Variants in PPP2R5A observed in about 807,000 individuals in gnomAD.
PPP2R5A encodes the protein serine/threonine-protein phosphatase 2A 56 kDa regulatory subunit alpha isoform.
A neutral mutation model predicts 64.2 loss-of-function variants in PPP2R5A; 25 were observed. The ratio of observed to expected loss-of-function variants is 0.39; its 90% CI spans 0.28 to 0.54. The LOEUF (loss-of-function observed/expected upper bound fraction) is 0.54, where lower values mean the gene tolerates loss of function less well. PPP2R5A is among the 20% of genes least tolerant of loss of function. The pLI is 0.67. For synonymous variants in PPP2R5A, 198 were observed against 201.2 expected, an observed-to-expected ratio of 0.98 and a Z score of 0.13; for missense variants, 425 against 576.3, an observed-to-expected ratio of 0.74 and a Z score of 2.69.
At chr1:212,353,271 C>T (rs747722411) in intron 8 of PPP2R5A, among the ~76,000 whole-genome samples, 42 of 152,352 alleles carry the variant, frequency 2.8e-4, no homozygotes, top group Admixed American at 1.1e-3. Flanking sequence ...AAAGCCAAGA[C>T]AGCGAGTCTA....
chr1:212,303,311 G>A lies in PPP2R5A; in HGVS notation c.181+17020G>A, dbSNP rs114497995. On this transcript the variant is annotated intron_variant, in intron 1 of 12. Coordinates refer to ENST00000261461, the MANE Select transcript of PPP2R5A (RefSeq NM_006243.4). Reference sequence around the variant, plus strand: ...TGGATGTGAACTAGTATCTCTTCGTGGTTATGATTTGCATTTCCCTAATTA... The same window carrying A: ...TGGATGTGAACTAGTATCTCTTCGTAGTTATGATTTGCATTTCCCTAATTA... Among the ~76,000 whole-genome samples, 944 of 152,212 alleles carry A rather than the reference G, an allele frequency of 6.2e-3. 5 individuals are homozygous for A. Among genetic ancestry groups the A allele is most frequent in the African/African-American group, 0.022 (903 of 41,516 alleles).
At chr1:212,315,082 T>C (rs1448397794) in intron 1 of PPP2R5A, among the ~76,000 whole-genome samples, 1 of 152,226 alleles carries the variant, frequency 6.6e-6, no homozygotes, top group Non-Finnish European at 1.5e-5. Context: ...CAGGCATCAT[T>C]ATGCTTATGT....
At chr1:212,322,062 C>A (rs1571592429) in intron 1 of PPP2R5A, among the ~76,000 whole-genome samples, 2 of 151,506 alleles carry the variant, frequency 1.3e-5, no homozygotes, top group East Asian at 3.9e-4. Context: ...GCGGCGCGCG[C>A]CTGCAATCGC....
intron 8 of PPP2R5A, among the ~76,000 whole-genome samples, chr1:212,351,884 A>G (rs1659886633): frequency 6.6e-6 from 1 of 152,080 alleles, no homozygotes; most frequent in Non-Finnish European, 1.5e-5. Context: ...CTGCATTTTT[A>G]TAAAACAAGC....
chr1:212,295,228 G>A (rs571891994), intron 1 of PPP2R5A, among the ~76,000 whole-genome samples: 9 of 152,276 alleles, frequency 5.9e-5, no homozygotes, highest in East Asian at 3.9e-4. Context: ...AGAGATAAAG[G>A]TGCTTGTCCA....
intron 11 of PPP2R5A, 88 bp from the exon 12 acceptor site, chr1:212,358,598 A>T: frequency 1.1e-6 from 1 of 945,350 alleles, no homozygotes; most frequent in Non-Finnish European, 1.6e-6. Context: ...GAAATCAGCC[A>T]AGCTTTAACC....
chr1:212,303,587 T>C (rs1658839100), intron 1 of PPP2R5A, among the ~76,000 whole-genome samples: 1 of 152,198 alleles, frequency 6.6e-6, no homozygotes, highest in African/African-American at 2.4e-5. Flanking sequence ...CTTGTGCTTT[T>C]GGAGTCATTT....
chr1:212,307,567 A>G (rs1040920706), intron 1 of PPP2R5A, among the ~76,000 whole-genome samples: 4 of 152,314 alleles, frequency 2.6e-5, no homozygotes, highest in Admixed American at 6.5e-5. Context: ...CTATGTATCA[A>G]CCGTCCAATG....
chr1:212,329,909 G>C lies in PPP2R5A; in HGVS notation c.378+578G>C, dbSNP rs369161227. Among the ~76,000 whole-genome samples, 6 of 152,294 alleles carry C rather than the reference G, an allele frequency of 3.9e-5. No homozygotes were observed. The South Asian group carries it at 1.0e-3, about 26-fold the overall frequency. On this transcript the variant is annotated intron_variant, in intron 2 of 12. Transcript: ENST00000261461. ...TCGACCTGCCGCGGCCTCTGAAAAT[G>C]CTGGGATTATAGGCGTGAGCCACCG...
At chr1:212,302,060 AAGG>A (rs1475117221) in intron 1 of PPP2R5A, 1 of 1,528,530 alleles carries the variant, frequency 6.5e-7, no homozygotes, top group East Asian at 2.5e-5. Context: ...TTTAATGAAG[AAGG>A]GCAAGAAGAG....
chr1:212,326,264 C>G (rs1216255035), intron 1 of PPP2R5A, among the ~76,000 whole-genome samples: 6 of 146,878 alleles, frequency 4.1e-5, no homozygotes, highest in Non-Finnish European at 1.5e-5. Context: ...TTTAAGGATA[C>G]ATAAAAATAT....
chr1:212,322,769 T>TTATTTATG (rs1229049244), intron 1 of PPP2R5A, among the ~76,000 whole-genome samples: 1 of 150,270 alleles, frequency 6.7e-6, no homozygotes, highest in Non-Finnish European at 1.5e-5. Context: ...ATTTATTTAT[T>TTATTTATG]TATTTATTTA....
At chr1:212,322,308 T>G (rs1659321688) in intron 1 of PPP2R5A, among the ~76,000 whole-genome samples, 1 of 143,924 alleles carries the variant, frequency 6.9e-6, no homozygotes, top group Non-Finnish European at 1.5e-5. Context: ...TCTTACAGAT[T>G]GTTACTCATG....
intron 1 of PPP2R5A, among the ~76,000 whole-genome samples, chr1:212,300,488 T>G (rs1658780326): frequency 6.6e-6 from 1 of 152,212 alleles, no homozygotes; most frequent in African/African-American, 2.4e-5. Context: ...GACTCACTGT[T>G]AAAACAACTC....
chr1:212,356,495 A>G (rs532977905), intron 8 of PPP2R5A, 131 bp from the exon 9 acceptor site: 81 of 810,164 alleles, frequency 1.0e-4, no homozygotes, highest in Middle Eastern at 3.8e-4. Context: ...CAGAAAGTCT[A>G]TTTATACACA....
Position 212,360,946 on chromosome 1 carries a change from T to G in PPP2R5A, c.*176T>G. On this transcript the variant is annotated 3_prime_UTR_variant, in exon 13 of 13. Transcript: ENST00000261461. ...GTAGCCCTGTGCTGTATCATGGCCA[T>G]AGTATATTGTAACCTTTGTCTAATC... 7.2e-6 allele frequency: 3 copies of G among 416,306 alleles called. No individual in the cohort carries two copies. The highest frequency in any genetic ancestry group is 1.2e-5 in the Non-Finnish European group (3 of 240,692). 25.8% of individuals were successfully genotyped at this position (416,306 alleles called of 1,614,324 possible).
chr1:212,320,788 T>C lies in PPP2R5A; in HGVS notation c.182-8347T>C, dbSNP rs555061154. Among the ~76,000 whole-genome samples, 10 of 106,098 alleles carry C rather than the reference T, an allele frequency of 9.4e-5. No individual in the cohort carries two copies. The South Asian group carries it at 2.6e-3, about 27-fold the overall frequency. 69.6% of individuals were successfully genotyped at this position (106,098 alleles called of 152,430 possible). On this transcript the variant is annotated intron_variant, in intron 1 of 12. Coordinates refer to ENST00000261461, the MANE Select transcript of PPP2R5A (RefSeq NM_006243.4). ...GCAGAGGCGCCCCTCACCTCCCGGA[T>C]GGTGCGGCTGGCCGGGCGGGGGGCT... is the stretch of plus-strand genomic sequence containing the variant.
chr1:212,325,047 A>T (rs1431575537), intron 1 of PPP2R5A, among the ~76,000 whole-genome samples: 1 of 152,114 alleles, frequency 6.6e-6, no homozygotes, highest in Non-Finnish European at 1.5e-5. Flanking sequence ...GAGTTTTTTC[A>T]AGCATCAAAT....
At chr1:212,316,013 C>T (rs1055804553) in intron 1 of PPP2R5A, among the ~76,000 whole-genome samples, 1 of 152,132 alleles carries the variant, frequency 6.6e-6, no homozygotes, top group Admixed American at 6.6e-5. Flanking sequence ...TCTGATGGCT[C>T]CACCAACTGG....
Sources: allele counts gnomAD v4.1 joint callset (sites outside exome capture counted in the v4.1 genomes callset), GRCh38; gene constraint gnomAD v4.1.1; transcripts MANE v1.5; gene names NCBI Gene and HGNC (gene_info 2026-07-23, HGNC 2026-07-21).